The following SNX15 variants were observed in gnomAD, a reference collection of about 807,000 sequenced individuals.
The protein encoded by SNX15 is sorting nexin 15.
In SNX15, 29 loss-of-function variants were observed where a neutral mutation model predicts 35.2. The observed-to-expected ratio is 0.82, with a 90% CI of 0.61 to 1.12. The LOEUF is 1.12. Among genes scored for constraint, SNX15 ranks in the 50% most tolerant of loss-of-function variants. The pLI is 0.00. For missense variants in SNX15, 400 were observed against 451.5 expected (o/e 0.89, Z 1.03); for synonymous variants, 189 against 188.2 (o/e 1.00, Z -0.03).
intron 1 of SNX15, among the ~76,000 whole-genome samples, chr11:65,029,765 C>T (rs1395211641): frequency 2.0e-5 from 3 of 151,330 alleles, no homozygotes; most frequent in East Asian, 2.0e-4. Flanking sequence ...TTAGTAGAGA[C>T]GGGATTTCAC....
At chr11:65,029,438 G>C (rs1323601697) in intron 1 of SNX15, among the ~76,000 whole-genome samples, 1 of 151,390 alleles carries the variant, frequency 6.6e-6, no homozygotes, top group Non-Finnish European at 1.5e-5. Context: ...TTACAGGTGT[G>C]AGCCACCACA....
At chr11:65,037,838 C>T (rs1946521514) in intron 6 of SNX15, 1 of 152,210 alleles carries the variant, frequency 6.6e-6, no homozygotes, top group Non-Finnish European at 1.5e-5. Context: ...CTGCAGGAGG[C>T]CCGGACTTCT....
intron 1 of SNX15, among the ~76,000 whole-genome samples, chr11:65,031,845 C>T (rs1398932543): frequency 2.0e-5 from 3 of 151,848 alleles, no homozygotes; most frequent in East Asian, 1.9e-4. Context: ...GGCAGTGAGC[C>T]GAGAGTGTAC....
Position 65,035,574 on chromosome 11 carries a change from G to A in SNX15, c.575G>A (p.Cys192Tyr). 1 of 1,613,914 alleles carries A rather than the reference G, an allele frequency of 6.2e-7. No individual in the cohort carries two copies. The highest frequency in any genetic ancestry group is 1.1e-5 in the South Asian group (1 of 91,056). Residue 192 changes from cysteine (C) to tyrosine (Y), a missense_variant, in exon 6 of 8, where the codon TGT becomes TAT. Transcript: ENST00000377244. ...AQEALDLLFN[C>Y]ESTEEASGSP... is the part of the protein sequence containing the mutation. ...GAGGCCCTGGATCTCCTCTTTAACT[G>A]TGAGAGCACCGAGGAGGCATCTGGT...
rs1307008650 is a variant in SNX15, at chr11:65,032,521, T to C, written c.226T>C (p.Phe76Leu). ...HRNLFRRLEE[F>L]PAFPRAQVFG... ...CAACCTCTTCCGCCGCCTCGAGGAG[T>C]TCCCTGCTTTCCCCCGGGCCCAGGT... The change falls in exon 3 of 8, where the codon TTC (phenylalanine) becomes CTC (leucine). Residue 76 changes from phenylalanine (F) to leucine (L), a missense_variant. By Grantham distance (22) the Phe-to-Leu change is conservative (BLOSUM62 0). Coordinates refer to ENST00000377244, the MANE Select transcript of SNX15 (RefSeq NM_013306.5). 4 of 1,613,972 alleles carry C rather than the reference T, an allele frequency of 2.5e-6. No individual in the cohort carries two copies. Among genetic ancestry groups the C allele is most frequent in the Non-Finnish European group, 2.5e-6 (3 of 1,179,988 alleles).
At chr11:65,033,889 G>A (rs909275901) in intron 3 of SNX15, among the ~76,000 whole-genome samples, 1 of 151,832 alleles carries the variant, frequency 6.6e-6, no homozygotes, top group Non-Finnish European at 1.5e-5. Context: ...TTTATTTTTA[G>A]TAGAGACAGG....
chr11:65,027,499 G>C lies in SNX15; in HGVS notation c.-39G>C. On this transcript the variant is annotated 5_prime_UTR_variant, in exon 1 of 8. Transcript: ENST00000377244. ...GCCGGAGGGGTGGGGACGGCGAGGA[G>C]GTGGAGGCCGGCGCTCCGCTCCGCT... The C allele has an allele frequency of 6.4e-7, 1 of 1,554,948 alleles. No homozygotes were observed. The highest frequency in any genetic ancestry group is 8.9e-7 in the Non-Finnish European group (1 of 1,127,160).
intron 1 of SNX15, 49 bp downstream of exon 1, chr11:65,027,685 C>A: frequency 7.3e-7 from 1 of 1,378,994 alleles, no homozygotes; most frequent in South Asian, 1.2e-5. Context: ...AGAGGGGCGC[C>A]GAGTTTTACC....
At chr11:65,038,406 C>A in intron 6 of SNX15, 166 bp from the exon 7 acceptor site, 1 of 1,157,994 alleles carries the variant, frequency 8.6e-7, no homozygotes, top group Non-Finnish European at 1.1e-6. Context: ...TCAAATAGCT[C>A]ATGGCTAGTT....
chr11:65,034,294 A>G (rs185698167), intron 3 of SNX15, among the ~76,000 whole-genome samples: 1 of 152,130 alleles, frequency 6.6e-6, no homozygotes, highest in Non-Finnish European at 1.5e-5. Flanking sequence ...GATTGTGTGC[A>G]CCTATAGTCC....
chr11:65,032,596 T>C (rs368527362), intron 3 of SNX15, 45 bp downstream of exon 3: 30 of 1,612,474 alleles, frequency 1.9e-5, no homozygotes, highest in African/African-American at 1.3e-4. Context: ...GGAGGGAGCA[T>C]TGGGCAAAAG....
chr11:65,027,475 C>T lies in SNX15; in HGVS notation c.-63C>T. On this transcript the variant is annotated 5_prime_UTR_variant, in exon 1 of 8. Coordinates refer to ENST00000377244, the MANE Select transcript of SNX15 (RefSeq NM_013306.5). Reference sequence around the variant, plus strand: ...GAGGCGGCGGCGGGCGGAGGCTGGGCCGGAGGGGTGGGGACGGCGAGGAGG... The same window carrying T: ...GAGGCGGCGGCGGGCGGAGGCTGGGTCGGAGGGGTGGGGACGGCGAGGAGG... 7 of 1,351,692 alleles carry T rather than the reference C, an allele frequency of 5.2e-6. No individual in the cohort carries two copies. The highest frequency in any genetic ancestry group is 4.2e-6 in the Non-Finnish European group (4 of 943,728). 83.7% of individuals were successfully genotyped at this position (1,351,692 alleles called of 1,614,324 possible). A position where few individuals can be genotyped will look rare whatever the true frequency, so the allele number is the denominator to read the frequency against.
chr11:65,030,608 C>T (rs1037954392), intron 1 of SNX15, among the ~76,000 whole-genome samples: 2 of 150,684 alleles, frequency 1.3e-5, no homozygotes, highest in Non-Finnish European at 3.0e-5. Context: ...AAGTGATTCT[C>T]CTGCCTCAGC....
At chr11:65,029,868 C>T (rs553904404) in intron 1 of SNX15, among the ~76,000 whole-genome samples, 58 of 152,162 alleles carry the variant, frequency 3.8e-4, no homozygotes, top group Middle Eastern at 3.4e-3. Flanking sequence ...TGAACCACCG[C>T]GCCTGGCCTA....
Position 65,027,503 on chromosome 11 carries a change from G to C in SNX15, c.-35G>C. The C allele has an allele frequency of 1.3e-6, 2 of 1,577,226 alleles. No homozygotes were observed. Among genetic ancestry groups the C allele is most frequent in the Non-Finnish European group, 1.7e-6 (2 of 1,147,378 alleles). On this transcript the variant is annotated 5_prime_UTR_variant, in exon 1 of 8. Coordinates refer to ENST00000377244, the MANE Select transcript of SNX15 (RefSeq NM_013306.5). ...GAGGGGTGGGGACGGCGAGGAGGTG[G>C]AGGCCGGCGCTCCGCTCCGCTCCAG...
intron 1 of SNX15, among the ~76,000 whole-genome samples, chr11:65,031,298 A>G (rs1946437131): frequency 6.6e-6 from 1 of 152,222 alleles, no homozygotes; most frequent in Non-Finnish European, 1.5e-5. Flanking sequence ...TGCTGGCATT[A>G]CAGGTGTGAG....
chr11:65,035,459 T>G, intron 5 of SNX15, 61 bp from the exon 6 acceptor site: 7 of 1,514,806 alleles, frequency 4.6e-6, no homozygotes, highest in Non-Finnish European at 6.2e-6. Flanking sequence ...AGAGAGTAAT[T>G]CTATTTTGAA....
At chr11:65,028,688 TAA>T (rs5792345) in intron 1 of SNX15, among the ~76,000 whole-genome samples, 36 of 108,514 alleles carry the variant, frequency 3.3e-4, no homozygotes, top group South Asian at 2.7e-3. Context: ...CACACAACTT[TAA>T]AAAAAAAAAA....
At chr11:65,039,570 C>T (rs1946552853) in intron 7 of SNX15, 116 bp from the exon 8 acceptor site, 1 of 637,584 alleles carries the variant, frequency 1.6e-6, no homozygotes, top group Non-Finnish European at 2.9e-6. Context: ...ATGCTGGGCC[C>T]CAGAGAGGAG....
Sources: allele counts gnomAD v4.1 joint callset (sites outside exome capture counted in the v4.1 genomes callset), GRCh38; gene constraint gnomAD v4.1.1; transcripts MANE v1.5; gene names NCBI Gene and HGNC (gene_info 2026-07-23, HGNC 2026-07-21).